NKAIN2: variants seen among roughly 807,000 people sequenced by gnomAD.
The protein encoded by NKAIN2 is sodium/potassium transporting ATPase interacting 2.
Under a neutral mutation model 32.6 loss-of-function variants are expected in NKAIN2, and 14 were observed. The ratio of observed to expected loss-of-function variants is 0.43; its 90% CI spans 0.28 to 0.67. NKAIN2 has a LOEUF of 0.67. NKAIN2 is among the 30% of genes least tolerant of loss of function. The pLI is 0.17. For synonymous variants in NKAIN2, 80 were observed against 87.2 expected (o/e 0.92, Z 0.46); for missense variants, 198 against 258.3 (o/e 0.77, Z 1.60).
At chr6:123,914,214 CGA>C (rs35122780) in intron 1 of NKAIN2, among the ~76,000 whole-genome samples, 5 of 149,990 alleles carry the variant, frequency 3.3e-5, no homozygotes, top group Non-Finnish European at 7.4e-5. Context: ...TTGTGTATGA[CGA>C]GAGAGAGAGA....
intron 4 of NKAIN2, among the ~76,000 whole-genome samples, chr6:124,774,551 T>G (rs1474523976): frequency 1.3e-5 from 2 of 152,018 alleles, no homozygotes; most frequent in African/African-American, 4.8e-5. Flanking sequence ...CACAAGTATG[T>G]CCAAAGATAC....
At chr6:124,314,009 G>C (rs1315096047) in intron 2 of NKAIN2, among the ~76,000 whole-genome samples, 2 of 152,144 alleles carry the variant, frequency 1.3e-5, no homozygotes, top group Non-Finnish European at 2.9e-5. Context: ...TTGGGAAAAG[G>C]GCACAAACTA....
At position 124,424,086 on chromosome 6, in the gene NKAIN2, C is replaced by T. The variant is rs544465071; in HGVS notation, c.273+68739C>T. 1.9e-3 allele frequency among the ~76,000 whole-genome samples: 282 copies of T among 152,174 alleles called. 1 individual carries two copies. The highest frequency in any genetic ancestry group is 5.1e-3 in the African/African-American group (210 of 41,500). ...TCGGCTCACTGCAAGCTCTGCCTCC[C>T]GGGTTCACGCCGTTCTCCTGTCTCA... On this transcript the variant is annotated intron_variant, in intron 3 of 6. Coordinates refer to ENST00000368417, the MANE Select transcript of NKAIN2 (RefSeq NM_001040214.3).
intron 4 of NKAIN2, among the ~76,000 whole-genome samples, chr6:124,677,504 A>G (rs918370981): frequency 6.6e-6 from 1 of 151,976 alleles, no homozygotes; most frequent in Non-Finnish European, 1.5e-5. Flanking sequence ...TGTGCCTTCA[A>G]TATTTTCTTT....
At chr6:124,537,830 C>A (rs1276259613) in intron 3 of NKAIN2, among the ~76,000 whole-genome samples, 1 of 152,088 alleles carries the variant, frequency 6.6e-6, no homozygotes, top group East Asian at 1.9e-4. Context: ...CCAGTTGATG[C>A]TTTTTGCTTA....
intron 3 of NKAIN2, among the ~76,000 whole-genome samples, chr6:124,414,555 G>C (rs887520411): frequency 1.3e-5 from 2 of 152,094 alleles, no homozygotes; most frequent in Non-Finnish European, 2.9e-5. Flanking sequence ...TAAATTTTCT[G>C]TAAGACTGTT....
intron 4 of NKAIN2, among the ~76,000 whole-genome samples, chr6:124,757,571 C>T (rs556370848): frequency 1.3e-5 from 2 of 152,244 alleles, no homozygotes; most frequent in African/African-American, 4.8e-5. Context: ...GATGTTTCAT[C>T]TAAGTTTAGG....
At chr6:123,958,684 A>G (rs1423910227) in intron 1 of NKAIN2, among the ~76,000 whole-genome samples, 1 of 152,248 alleles carries the variant, frequency 6.6e-6, no homozygotes, top group Non-Finnish European at 1.5e-5. Flanking sequence ...CGTAATAGCA[A>G]GCACTTACCA....
At chr6:124,770,012 A>G (rs933698088) in intron 4 of NKAIN2, among the ~76,000 whole-genome samples, 1 of 152,174 alleles carries the variant, frequency 6.6e-6, no homozygotes, top group African/African-American at 2.4e-5. Flanking sequence ...GGTTTCAGGC[A>G]GGTAGTGGCC....
chr6:123,836,754 T>C (rs1310357190), intron 1 of NKAIN2, among the ~76,000 whole-genome samples: 1 of 152,134 alleles, frequency 6.6e-6, no homozygotes, highest in Non-Finnish European at 1.5e-5. Context: ...AAAGTACAAA[T>C]GGTTATGTAA....
At chr6:124,487,246 T>C (rs1386810632) in intron 3 of NKAIN2, among the ~76,000 whole-genome samples, 1 of 152,118 alleles carries the variant, frequency 6.6e-6, no homozygotes, top group African/African-American at 2.4e-5. Context: ...CTGATAATCT[T>C]CTCATTTACC....
At chr6:124,624,729 G>A (rs565046058) in intron 3 of NKAIN2, among the ~76,000 whole-genome samples, 1 of 152,102 alleles carries the variant, frequency 6.6e-6, no homozygotes. Context: ...AGAAGTTTAA[G>A]AACAAGATTA....
intron 3 of NKAIN2, among the ~76,000 whole-genome samples, chr6:124,476,059 A>AGTGTGTGT (rs1402961327): frequency 1.2e-5 from 1 of 85,996 alleles, no homozygotes; most frequent in African/African-American, 5.2e-5. Context: ...AGAGAGAGAG[A>AGTGTGTGT]GAGAGAGTGT....
At chr6:123,882,896 A>C (rs1773514828) in intron 1 of NKAIN2, among the ~76,000 whole-genome samples, 1 of 152,210 alleles carries the variant, frequency 6.6e-6, no homozygotes, top group Non-Finnish European at 1.5e-5. Flanking sequence ...TGTTCAGTAA[A>C]TTCACAGAAC....
At chr6:124,585,888 G>A (rs2114950492) in intron 3 of NKAIN2, among the ~76,000 whole-genome samples, 1 of 152,240 alleles carries the variant, frequency 6.6e-6, no homozygotes, top group Non-Finnish European at 1.5e-5. Context: ...TTTTAAAAGT[G>A]GGTTGTGCTT....
intron 1 of NKAIN2, among the ~76,000 whole-genome samples, chr6:124,261,537 A>G (rs2689885): frequency 0.36 from 54,380 of 151,998 alleles, 12,252 homozygotes; most frequent in African/African-American, 0.63. Context: ...TAAATGGAAA[A>G]CATTCTACCA....
chr6:124,160,794 C>T (rs1788237204), intron 1 of NKAIN2, among the ~76,000 whole-genome samples: 1 of 151,988 alleles, frequency 6.6e-6, no homozygotes, highest in Admixed American at 6.6e-5. Flanking sequence ...TATCTGAAAT[C>T]CCAAATTTAT....
At chr6:124,605,504 C>G (rs916133079) in intron 3 of NKAIN2, among the ~76,000 whole-genome samples, 44 of 151,844 alleles carry the variant, frequency 2.9e-4, no homozygotes, top group African/African-American at 9.4e-4. Context: ...TTCCATAATT[C>G]CAAACTGAAA....
intron 3 of NKAIN2, among the ~76,000 whole-genome samples, chr6:124,425,341 T>C (rs1774935551): frequency 6.6e-6 from 1 of 152,070 alleles, no homozygotes; most frequent in Non-Finnish European, 1.5e-5. Flanking sequence ...AAGACTTAAA[T>C]ATAAGACCTG....
Sources: gnomAD v4.1 joint callset for allele counts (sites outside exome capture counted in the v4.1 genomes callset) on GRCh38, gnomAD v4.1.1 for gene constraint, MANE v1.5 for transcripts, NCBI Gene and HGNC (gene_info 2026-07-23, HGNC 2026-07-21) for gene names.